FAM13C: variants seen among roughly 807,000 people sequenced by gnomAD.
FAM13C encodes family with sequence similarity 13 member C.
A neutral mutation model predicts 73.2 loss-of-function variants in FAM13C; 37 were observed. The ratio of observed to expected loss-of-function variants is 0.51; its 90% confidence interval spans 0.39 to 0.67. The LOEUF (loss-of-function observed/expected upper bound fraction) is 0.67, where lower values mean the gene tolerates loss of function less well. Among genes scored for constraint, FAM13C ranks in the 30% least tolerant of loss-of-function variants. The pLI is 0.00. For missense variants in FAM13C, 589 were observed against 715.6 expected (o/e 0.82, Z 2.02); for synonymous variants, 246 against 260.9 (o/e 0.94, Z 0.55).
intron 4 of FAM13C, among the ~76,000 whole-genome samples, chr10:59,311,761 G>A (rs1848950297): frequency 6.6e-6 from 1 of 152,142 alleles, no homozygotes; most frequent in Admixed American, 6.5e-5. Context: ...AATAAATGCT[G>A]CAGCCCTTTC....
chr10:59,298,642 A>G (rs284593), intron 5 of FAM13C, among the ~76,000 whole-genome samples: 149,415 of 152,254 alleles, frequency 0.98, 73,376 homozygotes, highest in South Asian at 1. Context: ...CCTGTCTCTC[A>G]TGTGAGACTG....
chr10:59,337,343 A>G (rs1390258091), intron 3 of FAM13C, among the ~76,000 whole-genome samples: 4 of 152,240 alleles, frequency 2.6e-5, no homozygotes, highest in Admixed American at 6.5e-5. Flanking sequence ...ATGTTTAGGC[A>G]TTAGTTGACC....
At chr10:59,285,380 A>G (rs1845434748) in intron 5 of FAM13C, among the ~76,000 whole-genome samples, 1 of 144,620 alleles carries the variant, frequency 6.9e-6, no homozygotes, top group Non-Finnish European at 1.5e-5. Flanking sequence ...TTTAGTAAAC[A>G]AGCAGCTGGG....
chr10:59,251,386 A>G (rs1255724261), intron 13 of FAM13C, 189 bp downstream of exon 13: 2 of 591,852 alleles, frequency 3.4e-6, no homozygotes, highest in Non-Finnish European at 6.0e-6. Context: ...GACAGCTACC[A>G]TGTCCCATGA....
intron 4 of FAM13C, among the ~76,000 whole-genome samples, chr10:59,320,909 A>T (rs1850146369): frequency 6.6e-6 from 1 of 152,240 alleles, no homozygotes; most frequent in Non-Finnish European, 1.5e-5. Flanking sequence ...ACCTTGATTT[A>T]ACAGTTCTGA....
chr10:59,288,310 G>C (rs1178955220), intron 5 of FAM13C, among the ~76,000 whole-genome samples: 1 of 152,120 alleles, frequency 6.6e-6, no homozygotes, highest in Non-Finnish European at 1.5e-5. Flanking sequence ...TAGCCAACAT[G>C]GTGAAACCCC....
chr10:59,308,743 AC>A (rs1286552349), intron 4 of FAM13C, among the ~76,000 whole-genome samples: 3 of 152,190 alleles, frequency 2.0e-5, no homozygotes, highest in African/African-American at 7.2e-5. Context: ...CAAACTGCAA[AC>A]TTGTGGATAG....
intron 3 of FAM13C, among the ~76,000 whole-genome samples, chr10:59,340,415 G>A (rs981856596): frequency 4.0e-5 from 6 of 151,882 alleles, no homozygotes; most frequent in Admixed American, 3.9e-4. Flanking sequence ...TGTTTGCCTG[G>A]GCTCCTCACT....
chr10:59,326,639 A>C (rs1031519393), intron 3 of FAM13C, among the ~76,000 whole-genome samples: 1 of 152,186 alleles, frequency 6.6e-6, no homozygotes, highest in Non-Finnish European at 1.5e-5. Flanking sequence ...AAAGGAATAA[A>C]GATTTTTAGT....
chr10:59,277,706 C>T (rs558061452), intron 6 of FAM13C, among the ~76,000 whole-genome samples: 2 of 152,262 alleles, frequency 1.3e-5, no homozygotes, highest in African/African-American at 4.8e-5. Flanking sequence ...AAATGACTTA[C>T]AAAATACGTT....
chr10:59,283,282 G>C (rs758884437), intron 6 of FAM13C, 81 bp downstream of exon 6: 55 of 1,445,890 alleles, frequency 3.8e-5, no homozygotes, highest in Non-Finnish European at 4.8e-5. Flanking sequence ...TCCCTCAGGG[G>C]CTCAGGCTGA....
intron 13 of FAM13C, 148 bp downstream of exon 13, chr10:59,251,427 T>C: frequency 1.4e-6 from 1 of 716,670 alleles, no homozygotes; most frequent in South Asian, 1.7e-5. Context: ...TATTAGAATG[T>C]TGCATTGGAC....
At position 59,317,445 on chromosome 10, in the gene FAM13C, T is replaced by A. The variant is rs552767929; in HGVS notation, c.443+6543A>T. Among the ~76,000 whole-genome samples, 4 of 152,316 alleles carry A rather than the reference T, an allele frequency of 2.6e-5. No homozygotes were observed. The South Asian group carries it at 8.3e-4, about 32-fold the overall frequency. On this transcript the variant is annotated intron_variant, in intron 4 of 13. Transcript: ENST00000618804. The stretch of plus-strand genomic sequence containing the variant: ...TTCAGATGTTAAGGACAAAGTTTCC[T>A]GTTTGGTCTCCTAGAAATATCATTT...
intron 5 of FAM13C, 172 bp from the exon 6 acceptor site, chr10:59,283,619 G>T (rs1845198720): frequency 1.5e-6 from 1 of 679,002 alleles, no homozygotes; most frequent in African/African-American, 1.8e-5. Flanking sequence ...GGAAGAGGGT[G>T]GTGGCAACAG....
chr10:59,355,999 T>A, intron 1 of FAM13C, 56 bp from the exon 2 acceptor site: 2 of 1,496,644 alleles, frequency 1.3e-6, no homozygotes, highest in Non-Finnish European at 1.9e-6. Flanking sequence ...ATAGCAGTAG[T>A]AGCAATAATC....
chr10:59,281,739 A>G (rs1231998007), intron 6 of FAM13C, among the ~76,000 whole-genome samples: 7 of 152,240 alleles, frequency 4.6e-5, no homozygotes, highest in Non-Finnish European at 2.9e-5. Context: ...TAGAAAATCC[A>G]AAACTATTCT....
At chr10:59,362,263 G>C (rs139140287) in intron 1 of FAM13C, 136 bp downstream of exon 1, 1 of 1,233,984 alleles carries the variant, frequency 8.1e-7, no homozygotes, top group Non-Finnish European at 1.1e-6. Context: ...CACGTCTCAC[G>C]GTCTTCACAG....
At chr10:59,339,773 G>A (rs1853248284) in intron 3 of FAM13C, among the ~76,000 whole-genome samples, 1 of 152,192 alleles carries the variant, frequency 6.6e-6, no homozygotes, top group African/African-American at 2.4e-5. Flanking sequence ...GAAGTGAAAG[G>A]AAAGGCCAGC....
intron 3 of FAM13C, among the ~76,000 whole-genome samples, chr10:59,345,850 C>T (rs1854228219): frequency 6.6e-6 from 1 of 152,198 alleles, no homozygotes; most frequent in African/African-American, 2.4e-5. Context: ...AACATGTAAA[C>T]TGGAGCTACT....
Sources: allele counts gnomAD v4.1 joint callset (sites outside exome capture counted in the v4.1 genomes callset), GRCh38; gene constraint gnomAD v4.1.1; transcripts MANE v1.5; gene names NCBI Gene and HGNC (gene_info 2026-07-23, HGNC 2026-07-21).